PDXDC1: variants seen among roughly 807,000 people sequenced by gnomAD.
The protein encoded by PDXDC1 is pyridoxal dependent decarboxylase domain containing 1, also known as pyridoxal-dependent decarboxylase domain-containing protein 1.
A neutral mutation model predicts 100.1 loss-of-function variants in PDXDC1; 42 were observed. The observed-to-expected ratio is 0.42, with a 90% confidence interval of 0.33 to 0.54. The LOEUF (loss-of-function observed/expected upper bound fraction) is 0.54, where lower values mean the gene tolerates loss of function less well. Among genes scored for constraint, PDXDC1 ranks in the 20% least tolerant of loss-of-function variants. The pLI is 0.10. For synonymous variants in PDXDC1, 260 were observed against 371.7 expected (o/e 0.70, Z 3.46); for missense variants, 636 against 979.2 (o/e 0.65, Z 4.68).
the PDXDC1 span, among the ~76,000 whole-genome samples, chr16:15,146,759 G>A: frequency 1.3e-5 from 2 of 152,064 alleles, no homozygotes; most frequent in East Asian, 1.9e-4. Flanking sequence ...ACAGTGCATG[G>A]AGGACAGGGG....
intron 16 of PDXDC1, among the ~76,000 whole-genome samples, chr16:15,090,764 C>T (rs1290335463): frequency 1.1e-4 from 17 of 152,116 alleles, no homozygotes; most frequent in Non-Finnish European, 2.4e-4. Flanking sequence ...AGTAATAAAC[C>T]ATTCTCTTCA....
chr16:15,049,751 G>T (rs188560088), intron 16 of PDXDC1, among the ~76,000 whole-genome samples: 3 of 152,296 alleles, frequency 2.0e-5, no homozygotes, highest in South Asian at 2.1e-4. Context: ...ATGGCAAAAA[G>T]CTGGGAGCAG....
At chr16:15,021,175 A>G (rs1214128651) in intron 12 of PDXDC1, among the ~76,000 whole-genome samples, 2 of 152,262 alleles carry the variant, frequency 1.3e-5, no homozygotes, top group African/African-American at 2.4e-5. Context: ...CTCAGAGTTC[A>G]ACACCAGCCT....
intron 16 of PDXDC1, among the ~76,000 whole-genome samples, chr16:15,057,866 G>A (rs1045462050): frequency 1.3e-5 from 2 of 152,160 alleles, no homozygotes; most frequent in Non-Finnish European, 2.9e-5. Context: ...ACTTTTGGGT[G>A]ATCTTTTTTC....
Position 15,022,195 on chromosome 16 carries a change from C to T in PDXDC1, c.1090-509C>T, listed in dbSNP as rs370580848. Among the ~76,000 whole-genome samples the T allele has an allele frequency of 7.7e-3, 1,175 of 152,330 alleles. 23 individuals are homozygous for T. The highest frequency in any genetic ancestry group is 0.027 in the African/African-American group (1,110 of 41,530). ...TGTATTGCATATCAACTCATTTAAT[C>T]CTCACAGCAATGTGAGATACATACT... is the stretch of plus-strand genomic sequence containing the variant. On this transcript the variant is annotated intron_variant, in intron 12 of 22. Transcript: ENST00000396410.
At chr16:15,106,882 C>A (rs1284926979) in intron 16 of PDXDC1, 1 of 219,212 alleles carries the variant, frequency 4.6e-6, no homozygotes, top group East Asian at 9.2e-5. Context: ...CTCAGTATAT[C>A]CCTAATTCAT....
At chr16:15,061,484 A>G (rs374651874) in intron 16 of PDXDC1, 68 of 393,656 alleles carry the variant, frequency 1.7e-4, no homozygotes, top group East Asian at 1.7e-3. Context: ...TTAAACAAGC[A>G]AATCCTTCCA....
intron 16 of PDXDC1, among the ~76,000 whole-genome samples, chr16:15,132,091 CG>C (rs547454206): frequency 5.4e-3 from 1 of 184 alleles, no homozygotes; most frequent in Admixed American, 0.036. Context: ...CGGGGAGGAT[CG>C]GGGGGGAAAT....
chr16:15,001,926 A>G (rs1973249594), intron 4 of PDXDC1, 70 bp downstream of exon 4: 2 of 1,310,678 alleles, frequency 1.5e-6, no homozygotes, highest in African/African-American at 1.5e-5. Context: ...GCGCTCTGAC[A>G]AGTTGCTCAA....
At chr16:15,143,590 G>A (rs1372519325), downstream of PDXDC1, among the ~76,000 whole-genome samples, 1 of 152,222 alleles carries the variant, frequency 6.6e-6, no homozygotes, top group Non-Finnish European at 1.5e-5. Flanking sequence ...TGGCGCGAGG[G>A]TGGGTGAAGC....
At chr16:15,140,316 C>CACCT (rs1223318215), downstream of PDXDC1, among the ~76,000 whole-genome samples, 1 of 147,496 alleles carries the variant, frequency 6.8e-6, no homozygotes, top group Non-Finnish European at 1.5e-5. Context: ...TGGTGGCAAG[C>CACCT]ACCTGTAATT....
Position 15,028,952 on chromosome 16 carries a change from G to A in PDXDC1, c.1279G>A (p.Ala427Thr), listed in dbSNP as rs376738752. The change falls in exon 15 of 23, where the codon GCG (alanine) becomes ACG (threonine). Residue 427 changes from alanine (A) to threonine (T), a missense_variant. Ala to Thr is a moderately conservative substitution (Grantham distance 58). This residue lies in a region of PDXDC1 where 44 missense variants were observed against 46.9 expected (regional missense o/e 0.94). Transcript: ENST00000396410. ...CGGCCGGGAGAGGCACTCGTGTGACGCGCTGAATCGCTGGGTGAGAATGGC... is the reference window on the plus strand; with the variant it reads ...CGGCCGGGAGAGGCACTCGTGTGACACGCTGAATCGCTGGGTGAGAATGGC... ...GVGRERHSCD[A>T]LNRWLGEQLK... is the part of the protein sequence containing the mutation. The A allele has an allele frequency of 1.5e-5, 24 of 1,612,994 alleles. No individual in the cohort carries two copies. Among genetic ancestry groups the A allele is most frequent in the East Asian group, 1.1e-4 (5 of 44,896 alleles).
chr16:15,125,733 C>T (rs748631895), intron 16 of PDXDC1: 9 of 1,485,080 alleles, frequency 6.1e-6, no homozygotes, highest in Middle Eastern at 2.4e-4. Flanking sequence ...AGCTGTCCAG[C>T]ACGGACGAGT....
intron 16 of PDXDC1, among the ~76,000 whole-genome samples, chr16:15,052,435 AT>A (rs1313830987): frequency 6.6e-6 from 1 of 152,120 alleles, no homozygotes; most frequent in Admixed American, 6.5e-5. Context: ...GACCTGGGGG[AT>A]GATCATGTGA....
intron 16 of PDXDC1, chr16:15,094,328 C>T: frequency 4.2e-6 from 5 of 1,196,350 alleles, no homozygotes; most frequent in African/African-American, 3.1e-5. Flanking sequence ...GCCAGCGCAA[C>T]CTTCAGCCAA....
Position 15,096,526 on chromosome 16 carries a change from C to T in PDXDC1, c.1400-42353C>T, listed in dbSNP as rs180766346. 2.7e-3 allele frequency among the ~76,000 whole-genome samples: 413 copies of T among 152,338 alleles called. 4 individuals carry two copies. The highest frequency in any genetic ancestry group is 4.4e-3 in the Non-Finnish European group (296 of 68,034). On this transcript the variant is annotated intron_variant, in intron 16 of 16. Coordinates refer to the PDXDC1 transcript ENST00000535621. ...TTCCTTGGGAATGTTGGACAGGAATCATCTGTGTCTCAAGGACAGAGGAAA... is the reference window on the plus strand; with the variant it reads ...TTCCTTGGGAATGTTGGACAGGAATTATCTGTGTCTCAAGGACAGAGGAAA...
intron 3 of PDXDC1, among the ~76,000 whole-genome samples, chr16:15,001,031 T>A (rs1399907825): frequency 2.0e-5 from 3 of 152,072 alleles, no homozygotes; most frequent in Non-Finnish European, 4.4e-5. Context: ...TACTCCAAGA[T>A]TCAAATGAAA....
intron 14 of PDXDC1, 46 bp from the exon 15 acceptor site, chr16:15,028,832 C>T (rs2042830146): frequency 6.3e-7 from 1 of 1,584,438 alleles, no homozygotes; most frequent in Non-Finnish European, 8.6e-7. Flanking sequence ...TTTTTTTGGT[C>T]AGCCGTGTTT....
rs532385823 is a variant in PDXDC1, at chr16:15,131,426, C to T, written c.1400-7453C>T. 3.7e-6 allele frequency: 6 copies of T among 1,608,378 alleles called. No individual in the cohort carries two copies. In the East Asian group the frequency reaches 8.9e-5, roughly 24 times the overall value. On this transcript the variant is annotated intron_variant, in intron 16 of 16. Coordinates refer to the PDXDC1 transcript ENST00000535621. The stretch of plus-strand genomic sequence containing the variant: ...ACCACGTCACTGAGGTTAGCCGGGG[C>T]CCTGCTGAAAGCCTAGGGGATGGAG...
Sources: gnomAD v4.1 joint callset for allele counts (sites outside exome capture counted in the v4.1 genomes callset) on GRCh38, gnomAD v4.1.1 for gene constraint, gnomAD v4.1.1 regional missense constraint, MANE v1.5 for transcripts, NCBI Gene and HGNC (gene_info 2026-07-23, HGNC 2026-07-21) for gene names.